Variants in KSR2 observed in about 807,000 individuals in gnomAD.
KSR2 encodes the protein kinase suppressor of ras 2.
KSR2 carries 25 observed loss-of-function variants against 107.8 expected under a neutral mutation model. The observed-to-expected ratio is 0.23, with a 90% CI of 0.17 to 0.32. The LOEUF is 0.32. Among genes scored for constraint, KSR2 ranks in the 10% least tolerant of loss-of-function variants. The pLI is 1.00. For missense variants in KSR2, 887 were observed against 1,268.9 expected, an observed-to-expected ratio of 0.70 and a Z score of 4.57; for synonymous variants, 480 against 507.0, an observed-to-expected ratio of 0.95 and a Z score of 0.71.
intron 3 of KSR2, among the ~76,000 whole-genome samples, chr12:117,806,948 C>T (rs1026157945): frequency 2.0e-5 from 3 of 152,190 alleles, no homozygotes; most frequent in African/African-American, 7.2e-5. Flanking sequence ...TCTCACTTCC[C>T]AGAGTGCCTG....
chr12:117,775,640 C>T (rs573257514), intron 3 of KSR2, among the ~76,000 whole-genome samples: 3 of 152,088 alleles, frequency 2.0e-5, no homozygotes, highest in African/African-American at 7.2e-5. Context: ...GAATAGGAAA[C>T]GAGTACCCAG....
At chr12:117,581,700 C>G (rs1433911623) in intron 6 of KSR2, among the ~76,000 whole-genome samples, 1 of 152,166 alleles carries the variant, frequency 6.6e-6, no homozygotes, top group Non-Finnish European at 1.5e-5. Context: ...GCAAACCCCC[C>G]TCCCTAAAAG....
rs761224506 is a variant in KSR2, at chr12:117,527,286, CACACACACACACACAG to C, written c.1803-183_1803-168del. Among the ~76,000 whole-genome samples the C allele has an allele frequency of 4.4e-3, 540 of 121,592 alleles. 1 individual carries two copies. Among genetic ancestry groups the C allele is most frequent in the South Asian group, 0.013 (44 of 3,374 alleles). The allele number at this position is 121,592 out of a possible 152,430, so 79.8% of individuals were successfully genotyped here. A position where few individuals can be genotyped will look rare whatever the true frequency, so the allele number is the denominator to read the frequency against. On this transcript the variant is annotated intron_variant, in intron 12 of 19. Coordinates refer to ENST00000339824, the MANE Select transcript of KSR2 (RefSeq NM_173598.6). ...TGAAATAATCCATAACCTCGACACACACACACACACACACAGACACACACACACACACACACACAGA... is the reference window on the plus strand; with the variant it reads ...TGAAATAATCCATAACCTCGACACACACACACACACACACACACACACAGA...
chr12:117,953,735 T>C (rs551672587), intron 1 of KSR2, among the ~76,000 whole-genome samples: 1 of 152,262 alleles, frequency 6.6e-6, no homozygotes, highest in East Asian at 1.9e-4. Context: ...AAGTTGATAG[T>C]GGTAATGGTT....
intron 4 of KSR2, among the ~76,000 whole-genome samples, chr12:117,676,525 G>A (rs1279135633): frequency 6.6e-6 from 1 of 152,000 alleles, no homozygotes; most frequent in Non-Finnish European, 1.5e-5. Flanking sequence ...GGAAGACAAA[G>A]GAGAAAAAGG....
chr12:117,744,368 C>T (rs561155452), intron 4 of KSR2, among the ~76,000 whole-genome samples: 3 of 152,276 alleles, frequency 2.0e-5, no homozygotes, highest in South Asian at 2.1e-4. Context: ...TCTTCCCATG[C>T]GTCCATGTGT....
chr12:117,808,725 G>A (rs1891091549), intron 3 of KSR2, among the ~76,000 whole-genome samples: 1 of 151,952 alleles, frequency 6.6e-6, no homozygotes, highest in South Asian at 2.1e-4. Flanking sequence ...TCCAGCCCTG[G>A]TGAATTCGTT....
In KSR2 at chr12:117,453,371, G is replaced by C. The variant is rs1249498097; in HGVS notation, c.*13828C>G. The C allele has an allele frequency of 6.6e-6, 1 of 152,488 alleles. No homozygotes were observed. Among genetic ancestry groups the C allele is most frequent in the Non-Finnish European group, 1.5e-5 (1 of 68,034 alleles). The allele number at this position is 152,488 out of a possible 1,614,324, so 9.4% of individuals were successfully genotyped here. A position where few individuals can be genotyped will look rare whatever the true frequency, so the allele number is the denominator to read the frequency against. ...ACGGAGACAGACAGAGATAGAAACG[G>C]AAAGGAAAAGAAAGAAGTGGCCCCC... On this transcript the variant is annotated 3_prime_UTR_variant, in exon 20 of 20. Transcript: ENST00000339824.
intron 1 of KSR2, among the ~76,000 whole-genome samples, chr12:117,966,497 C>T (rs997814292): frequency 6.6e-6 from 1 of 152,050 alleles, no homozygotes; most frequent in African/African-American, 2.4e-5. Context: ...CCCACTCTCC[C>T]GATACACCTT....
rs139671005 is a variant in KSR2, at chr12:117,553,615, C to T, written c.1518+1554G>A. On this transcript the variant is annotated intron_variant, in intron 9 of 19. Transcript: ENST00000339824. ...GCTGATGTGCTTTTTCCACTGATAT[C>T]GTTTGGATATTTGTCTCCTCCAAAT... is the stretch of plus-strand genomic sequence containing the variant. 1.8e-4 allele frequency among the ~76,000 whole-genome samples: 27 copies of T among 152,180 alleles called. No homozygotes were observed. The East Asian group carries it at 4.4e-3, about 25-fold the overall frequency.
At chr12:117,732,628 C>A (rs983818932) in intron 4 of KSR2, among the ~76,000 whole-genome samples, 51 of 152,166 alleles carry the variant, frequency 3.4e-4, no homozygotes, top group African/African-American at 1.1e-3. Flanking sequence ...GTGACCCTCA[C>A]CTGCTCTCCT....
At chr12:117,794,238 C>CACACCAACA (rs1491090577) in intron 3 of KSR2, among the ~76,000 whole-genome samples, 3 of 85,242 alleles carry the variant, frequency 3.5e-5, no homozygotes, top group Non-Finnish European at 6.4e-5. Context: ...AACATGCACA[C>CACACCAACA]TCACACCAAC....
chr12:117,467,277 A>T, intron 19 of KSR2, 72 bp from the exon 20 acceptor site: 1 of 641,812 alleles, frequency 1.6e-6, no homozygotes, highest in Non-Finnish European at 2.8e-6. Context: ...GTTGTGAATG[A>T]CACCCTCTCA....
At chr12:117,656,587 C>T (rs1884166944) in intron 5 of KSR2, among the ~76,000 whole-genome samples, 1 of 152,198 alleles carries the variant, frequency 6.6e-6, no homozygotes, top group Non-Finnish European at 1.5e-5. Flanking sequence ...GCACTCCAGC[C>T]TGGGCAACAA....
chr12:117,765,982 G>A (rs1470186009), intron 3 of KSR2, among the ~76,000 whole-genome samples: 1 of 152,138 alleles, frequency 6.6e-6, no homozygotes, highest in African/African-American at 2.4e-5. Context: ...GCCAGCCCCT[G>A]CCCTCAAGAT....
Position 117,871,103 on chromosome 12 carries a change from T to C in KSR2, c.181-10672A>G, listed in dbSNP as rs142225555. Among the ~76,000 whole-genome samples, 228 of 152,312 alleles carry C rather than the reference T, an allele frequency of 1.5e-3. 5 individuals are homozygous for C. The East Asian group carries it at 0.033, about 22-fold the overall frequency. On this transcript the variant is annotated intron_variant, in intron 1 of 19. Coordinates refer to ENST00000339824, the MANE Select transcript of KSR2 (RefSeq NM_173598.6). ...GAGCCAAATGCTGTAATGAGCACGTTTTATGAATTATCTTCTTTAATTTTC... is the reference window on the plus strand; with the variant it reads ...GAGCCAAATGCTGTAATGAGCACGTCTTATGAATTATCTTCTTTAATTTTC...
chr12:117,967,960 C>T, intron 1 of KSR2, 116 bp downstream of exon 1: 1 of 975,968 alleles, frequency 1.0e-6, no homozygotes, highest in Non-Finnish European at 1.5e-6. Context: ...ACCACCACCC[C>T]CAGCCCCCAA....
At chr12:117,935,626 T>C (rs1268109066) in intron 1 of KSR2, among the ~76,000 whole-genome samples, 1 of 152,216 alleles carries the variant, frequency 6.6e-6, no homozygotes, top group East Asian at 1.9e-4. Context: ...CCGGTCGTAG[T>C]AGTGGGCGCC....
chr12:117,856,537 C>T (rs1293222700), intron 2 of KSR2, among the ~76,000 whole-genome samples: 2 of 152,012 alleles, frequency 1.3e-5, no homozygotes, highest in South Asian at 2.1e-4. Context: ...AGTGCAATGG[C>T]GCGATCTCGG....
Sources: allele counts gnomAD v4.1 joint callset (sites outside exome capture counted in the v4.1 genomes callset), GRCh38; gene constraint gnomAD v4.1.1; transcripts MANE v1.5; gene names NCBI Gene and HGNC (gene_info 2026-07-23, HGNC 2026-07-21).